ZEB1: variants seen among roughly 807,000 people sequenced by gnomAD.
The protein encoded by ZEB1 is zinc finger E-box binding homeobox 1.
Under a neutral mutation model 84.9 loss-of-function variants are expected in ZEB1, and 21 were observed. The ratio of observed to expected loss-of-function variants is 0.25; its 90% CI spans 0.18 to 0.36. ZEB1 has a LOEUF of 0.36. Ranked by LOEUF, ZEB1 falls within the 10% of genes least tolerant of loss-of-function variation. The probability of loss-of-function intolerance (pLI) is 1.00; values close to 1 mark genes in which losing one functional copy is unlikely to be tolerated. For synonymous variants in ZEB1, 420 were observed against 471.1 expected (o/e 0.89, Z 1.41); for missense variants, 1,104 against 1,330.2 (o/e 0.83, Z 2.65).
rs2072101201 is a variant in ZEB1, at chr10:31,520,587, G to A, written c.1255G>A (p.Val419Met). Residue 419 changes from valine to methionine, a missense_variant, in exon 7 of 9, where the codon GTG becomes ATG. Physicochemically the swap from Val to Met is conservative, Grantham distance 21 (BLOSUM62 1). This residue lies in a region of ZEB1 where 531 missense variants were observed against 575.2 expected (regional missense o/e 0.92). Transcript: ENST00000424869. The surrounding 1 kb of genome is among the most constrained non-coding windows in gnomAD (Gnocchi z 5.1). ...NLSDIQNVLK[V>M]AVDGNVIRQV... ...AAGTGATATTCAGAATGTACTTAAA[G>A]TGGCGGTAGATGGTAATGTAATAAG... 1 of 1,613,994 alleles carries A rather than the reference G, an allele frequency of 6.2e-7. No individual in the cohort carries two copies. Among genetic ancestry groups the A allele is most frequent in the Non-Finnish European group, 8.5e-7 (1 of 1,179,964 alleles).
At chr10:31,468,326 C>T (rs1183976529) in intron 2 of ZEB1, among the ~76,000 whole-genome samples, 1 of 152,152 alleles carries the variant, frequency 6.6e-6, no homozygotes, top group Non-Finnish European at 1.5e-5. Flanking sequence ...AAAAATCCCA[C>T]TGTCATCACT....
At chr10:31,427,858 CAAAA>C (rs60403022) in intron 1 of ZEB1, among the ~76,000 whole-genome samples, 1 of 119,386 alleles carries the variant, frequency 8.4e-6, no homozygotes. Flanking sequence ...GACTCCATCT[CAAAA>C]AAAAAAAAAA....
At chr10:31,384,016 C>G (rs984793150) in intron 1 of ZEB1, among the ~76,000 whole-genome samples, 1 of 135,770 alleles carries the variant, frequency 7.4e-6, no homozygotes, top group Non-Finnish European at 1.5e-5. Context: ...CTCTGTCGCC[C>G]AGACTGGAGT....
At chr10:31,465,401 T>G (rs1420903933) in intron 2 of ZEB1, among the ~76,000 whole-genome samples, 1 of 151,420 alleles carries the variant, frequency 6.6e-6, no homozygotes, top group Non-Finnish European at 1.5e-5. Flanking sequence ...GCCTTTTGGA[T>G]AATTAAAAGA....
intron 1 of ZEB1, among the ~76,000 whole-genome samples, chr10:31,377,327 A>G (rs1055997592): frequency 3.3e-5 from 5 of 151,806 alleles, no homozygotes; most frequent in Non-Finnish European, 5.9e-5. Flanking sequence ...AAGAATACTT[A>G]AAGCACAAAA....
chr10:31,485,103 A>G (rs1318935556), intron 2 of ZEB1, among the ~76,000 whole-genome samples: 1 of 151,912 alleles, frequency 6.6e-6, no homozygotes, highest in African/African-American at 2.4e-5. Flanking sequence ...ATAATTGTCA[A>G]TCCATTTATA....
At chr10:31,465,245 A>G (rs1357241686) in intron 2 of ZEB1, among the ~76,000 whole-genome samples, 1 of 151,772 alleles carries the variant, frequency 6.6e-6, no homozygotes, top group Non-Finnish European at 1.5e-5. Context: ...TTTAATAGAT[A>G]TACAATATAC....
intron 1 of ZEB1, among the ~76,000 whole-genome samples, chr10:31,440,198 T>C (rs941222999): frequency 6.6e-6 from 1 of 152,178 alleles, no homozygotes; most frequent in African/African-American, 2.4e-5. Flanking sequence ...AGGAATGGAA[T>C]TGCCGTTTAC....
intron 1 of ZEB1, chr10:31,363,069 C>T: frequency 6.5e-7 from 1 of 1,533,984 alleles, no homozygotes; most frequent in South Asian, 1.2e-5. Flanking sequence ...GTGGCCCCGA[C>T]AGTTTTCTTT....
upstream of ZEB1, chr10:31,319,008 C>G (rs2032895234): frequency 1.0e-5 from 6 of 596,528 alleles, no homozygotes; most frequent in Non-Finnish European, 1.8e-5. Flanking sequence ...CCCCTCAATT[C>G]AAATTCAGCA....
chr10:31,354,419 A>G (rs1376796734), intron 1 of ZEB1, among the ~76,000 whole-genome samples: 4 of 152,160 alleles, frequency 2.6e-5, no homozygotes, highest in Admixed American at 1.3e-4. Flanking sequence ...CTTTGATTTC[A>G]TAACAACTTT....
intron 1 of ZEB1, among the ~76,000 whole-genome samples, chr10:31,441,155 T>G (rs2058921329): frequency 6.6e-6 from 1 of 152,160 alleles, no homozygotes; most frequent in African/African-American, 2.4e-5. Context: ...GACTTCAAAC[T>G]ATACTACAAG....
rs576696146 is a variant in ZEB1 at position 31,343,787 on chromosome 10, G to A, written c.58+24495G>A. Among the ~76,000 whole-genome samples the A allele has an allele frequency of 2.0e-5, 3 of 152,236 alleles. No individual in the cohort carries two copies. In the South Asian group the frequency reaches 6.2e-4, roughly 32 times the overall value. On this transcript the variant is annotated intron_variant, in intron 1 of 8. Coordinates refer to ENST00000424869, the MANE Select transcript of ZEB1 (RefSeq NM_001174096.2). ...GGCAGCAGATGAAATACTACTAAGTGACCTTTGACACAGAACCCATGAATG... is the reference window on the plus strand; with the variant it reads ...GGCAGCAGATGAAATACTACTAAGTAACCTTTGACACAGAACCCATGAATG...
At chr10:31,319,189 G>A (rs1205331943), upstream of ZEB1, 3 of 1,408,346 alleles carry the variant, frequency 2.1e-6, no homozygotes, top group African/African-American at 2.9e-5. Context: ...AAGGGGGAGG[G>A]AGGGGGAGGA....
intron 1 of ZEB1, among the ~76,000 whole-genome samples, chr10:31,404,211 T>C (rs1005487754): frequency 1.3e-5 from 2 of 150,618 alleles, no homozygotes; most frequent in Non-Finnish European, 2.9e-5. Flanking sequence ...TGTACCCTTT[T>C]CTGCAGCCGT....
At chr10:31,321,766 A>AG (rs2034142317) in intron 1 of ZEB1, 1 of 575,070 alleles carries the variant, frequency 1.7e-6, no homozygotes, top group Non-Finnish European at 3.1e-6. Context: ...AGATGACTTA[A>AG]GGGGGGAAAA....
chr10:31,477,793 G>C (rs915731277), intron 2 of ZEB1, among the ~76,000 whole-genome samples: 1 of 151,966 alleles, frequency 6.6e-6, no homozygotes, highest in Non-Finnish European at 1.5e-5. Context: ...GTGGTGCTGG[G>C]AAATTGGCCA....
chr10:31,518,617 A>G (rs886423045), intron 6 of ZEB1, among the ~76,000 whole-genome samples: 2 of 152,148 alleles, frequency 1.3e-5, no homozygotes, highest in Non-Finnish European at 2.9e-5. Context: ...CTGCATTTGC[A>G]CATTGAAAAA....
chr10:31,319,409 G>A, intron 1 of ZEB1, 117 bp downstream of exon 1: 4 of 1,029,284 alleles, frequency 3.9e-6, no homozygotes, highest in Non-Finnish European at 5.9e-6. Flanking sequence ...GGACGGCAAA[G>A]TGGAGTGGGA....
Sources: gnomAD v4.1 joint callset for allele counts (sites outside exome capture counted in the v4.1 genomes callset) on GRCh38, gnomAD v4.1.1 for gene constraint, gnomAD v4.1.1 regional missense constraint, Gnocchi (gnomAD v3.1) non-coding constraint, MANE v1.5 for transcripts, NCBI Gene and HGNC (gene_info 2026-07-23, HGNC 2026-07-21) for gene names.